The following SSH2 variants were observed in gnomAD, a reference collection of about 807,000 sequenced individuals.
SSH2 encodes slingshot protein phosphatase 2.
Under a neutral mutation model 135.2 loss-of-function variants are expected in SSH2, and 37 were observed. That is an observed-to-expected ratio of 0.27 (90% confidence interval 0.21 to 0.36). The LOEUF is 0.36. Among genes scored for constraint, SSH2 ranks in the 10% least tolerant of loss-of-function variants. The pLI is 1.00. For missense variants in SSH2, 1,408 were observed against 1,765.3 expected, an observed-to-expected ratio of 0.80 and a Z score of 3.63; for synonymous variants, 628 against 646.2, an observed-to-expected ratio of 0.97 and a Z score of 0.43.
At chr17:29,739,059 C>CT (rs1401012340) in intron 3 of SSH2, among the ~76,000 whole-genome samples, 2 of 152,182 alleles carry the variant, frequency 1.3e-5, no homozygotes, top group Non-Finnish European at 2.9e-5. Flanking sequence ...GAAGGAAACA[C>CT]TATCGCAGAA....
chr17:29,664,350 G>C (rs2037183077), intron 11 of SSH2, among the ~76,000 whole-genome samples: 1 of 150,126 alleles, frequency 6.7e-6, no homozygotes, highest in Non-Finnish European at 1.5e-5. Context: ...TCCAGCCTGG[G>C]CGACAGAGCG....
chr17:29,695,924 A>G (rs1371094008), intron 4 of SSH2, among the ~76,000 whole-genome samples: 1 of 152,128 alleles, frequency 6.6e-6, no homozygotes, highest in Non-Finnish European at 1.5e-5. Context: ...GTGTAGTGTT[A>G]GAGGAATTAT....
intron 2 of SSH2, among the ~76,000 whole-genome samples, chr17:29,848,323 A>G (rs1313129927): frequency 6.6e-6 from 1 of 152,230 alleles, no homozygotes; most frequent in African/African-American, 2.4e-5. Flanking sequence ...ATCCCATGAA[A>G]TGTAGTTAGA....
intron 1 of SSH2, among the ~76,000 whole-genome samples, chr17:29,924,009 A>G (rs1192821557): frequency 6.6e-6 from 1 of 152,230 alleles, no homozygotes; most frequent in Non-Finnish European, 1.5e-5. Flanking sequence ...AAAAACAAAG[A>G]TATGAAATTA....
At position 29,900,179 on chromosome 17, in the gene SSH2, G is replaced by A. The variant is rs189392463; in HGVS notation, c.63+29759C>T. Among the ~76,000 whole-genome samples, 68 of 152,138 alleles carry A rather than the reference G, an allele frequency of 4.5e-4. No homozygotes were observed. In the East Asian group the frequency reaches 5.2e-3, roughly 12 times the overall value. On this transcript the variant is annotated intron_variant, in intron 1 of 15. Coordinates refer to ENST00000540801, the MANE Select transcript of SSH2 (RefSeq NM_001282129.2). ...TGTTAGACCTAAAACCATAAAAACC[G>A]TCAAAGAAAACCTAGGCAATACCAT...
Position 29,794,078 on chromosome 17 carries a change from A to T in SSH2, c.145-141T>A, listed in dbSNP as rs547855482. 1.4e-5 allele frequency: 9 copies of T among 662,836 alleles called. No homozygotes were observed. In the South Asian group the frequency reaches 2.0e-4, roughly 15 times the overall value. 41.1% of individuals were successfully genotyped at this position (662,836 alleles called of 1,614,324 possible). ...TGTATACTTGAACTAAATTCTCTTCAAAAAAAGTGACTTCAACCAACCCAG... is the reference window on the plus strand; with the variant it reads ...TGTATACTTGAACTAAATTCTCTTCTAAAAAAGTGACTTCAACCAACCCAG... On this transcript the variant is annotated intron_variant, in intron 2 of 15. Coordinates refer to ENST00000540801, the MANE Select transcript of SSH2 (RefSeq NM_001282129.2).
chr17:29,811,251 C>T (rs117432021), intron 2 of SSH2, among the ~76,000 whole-genome samples: 2,810 of 152,206 alleles, frequency 0.018, 34 homozygotes, highest in Non-Finnish European at 0.031. Context: ...CCTCCTTAGC[C>T]ACCCAAAATG....
At chr17:29,893,255 T>C (rs1393715130) in intron 1 of SSH2, among the ~76,000 whole-genome samples, 1 of 150,826 alleles carries the variant, frequency 6.6e-6, no homozygotes, top group Non-Finnish European at 1.5e-5. Context: ...CTAACTAGAG[T>C]ACCTAGTCCT....
At chr17:29,828,423 C>T (rs2042783332) in intron 2 of SSH2, among the ~76,000 whole-genome samples, 1 of 152,182 alleles carries the variant, frequency 6.6e-6, no homozygotes, top group Non-Finnish European at 1.5e-5. Flanking sequence ...AGAAAGATGG[C>T]ATGCTTTAAC....
At chr17:29,764,440 C>A (rs1567959612) in intron 3 of SSH2, among the ~76,000 whole-genome samples, 1 of 152,182 alleles carries the variant, frequency 6.6e-6, no homozygotes, top group South Asian at 2.1e-4. Flanking sequence ...TCTCCACTGT[C>A]GGGAAACAAG....
At chr17:29,904,486 T>C (rs894175617) in intron 1 of SSH2, among the ~76,000 whole-genome samples, 1 of 152,164 alleles carries the variant, frequency 6.6e-6, no homozygotes, top group African/African-American at 2.4e-5. Context: ...AAACTAGGTA[T>C]TGAAGGAACA....
At chr17:29,912,479 C>T (rs2066782733) in intron 1 of SSH2, among the ~76,000 whole-genome samples, 1 of 152,136 alleles carries the variant, frequency 6.6e-6, no homozygotes, top group Non-Finnish European at 1.5e-5. Context: ...GTAATTTCAG[C>T]ACTTCGAGAG....
chr17:29,740,485 T>C (rs1270239183), intron 3 of SSH2, among the ~76,000 whole-genome samples: 4 of 151,880 alleles, frequency 2.6e-5, no homozygotes, highest in East Asian at 1.9e-4. Flanking sequence ...TAGGTGCCTA[T>C]GGATACTGTT....
chr17:29,792,817 C>G (rs1056281065), intron 3 of SSH2, among the ~76,000 whole-genome samples: 2 of 152,184 alleles, frequency 1.3e-5, no homozygotes, highest in Non-Finnish European at 2.9e-5. Flanking sequence ...GCTGGGACTA[C>G]AGGCACCCGC....
chr17:29,768,842 TA>T (rs1183973001), intron 3 of SSH2, among the ~76,000 whole-genome samples: 1 of 152,114 alleles, frequency 6.6e-6, no homozygotes, highest in Non-Finnish European at 1.5e-5. Flanking sequence ...GAATGGAGGC[TA>T]AAAGAGCCAA....
Position 29,630,864 on chromosome 17 carries a change from T to G in SSH2, c.4330A>C (p.Asn1444His), listed in dbSNP as rs774827103. Residue 1444 changes from asparagine to histidine, a missense_variant, in exon 16 of 16, where the codon AAC becomes CAC. Physicochemically the swap from Asn to His is moderately conservative, Grantham distance 68 (BLOSUM62 1). Around this residue, in one of 3 missense-constraint regions of SSH2, gnomAD observed 1,080 missense variants for 1,144.5 expected, o/e 0.94. Transcript: ENST00000540801. ...KKANDKKRTT[N>H]PFYNTM ...AATCACATGGTATTATAGAAGGGGT[T>G]GGTTGTCCGTTTTTTGTCATTTGCC... 3 of 1,561,662 alleles carry G rather than the reference T, an allele frequency of 1.9e-6. No individual in the cohort carries two copies. Among genetic ancestry groups the G allele is most frequent in the East Asian group, 4.5e-5 (2 of 44,088 alleles).
At chr17:29,687,995 T>G (rs1184533967) in intron 5 of SSH2, among the ~76,000 whole-genome samples, 1 of 149,230 alleles carries the variant, frequency 6.7e-6, no homozygotes, top group Admixed American at 7.0e-5. Context: ...TGATATTCAT[T>G]GCAAACATTA....
At chr17:29,894,420 A>G (rs1198338287) in intron 1 of SSH2, among the ~76,000 whole-genome samples, 4 of 152,052 alleles carry the variant, frequency 2.6e-5, no homozygotes, top group Non-Finnish European at 5.9e-5. Context: ...ACAGATGCCC[A>G]AGTCCCTGTT....
intron 1 of SSH2, among the ~76,000 whole-genome samples, chr17:29,900,027 G>A (rs563849048): frequency 2.0e-5 from 3 of 152,186 alleles, no homozygotes; most frequent in Non-Finnish European, 4.4e-5. Flanking sequence ...AACAAGCAAT[G>A]GGGAAAGGAT....
Sources: allele counts gnomAD v4.1 joint callset (sites outside exome capture counted in the v4.1 genomes callset), GRCh38; gene constraint gnomAD v4.1.1; regional missense constraint gnomAD v4.1.1; transcripts MANE v1.5; gene names NCBI Gene and HGNC (gene_info 2026-07-23, HGNC 2026-07-21).